Variants in NGF observed in about 807,000 individuals in gnomAD.
NGF encodes beta-nerve growth factor.
A neutral mutation model predicts 12.8 loss-of-function variants in NGF; 4 were observed. The observed-to-expected ratio is 0.31, with a 90% CI of 0.15 to 0.72. The LOEUF is 0.72. NGF is among the 30% of genes least tolerant of loss of function. NGF has a pLI of 0.69. For missense variants in NGF, 283 were observed against 330.8 expected, an observed-to-expected ratio of 0.86 and a Z score of 1.12; for synonymous variants, 140 against 130.0, an observed-to-expected ratio of 1.08 and a Z score of -0.52.
chr1:115,288,073 T>G (rs1653571691), intron 2 of NGF, among the ~76,000 whole-genome samples: 1 of 152,226 alleles, frequency 6.6e-6, no homozygotes, highest in African/African-American at 2.4e-5. Context: ...CCCACTCTTA[T>G]GGGTCATTCT....
At position 115,316,308 on chromosome 1, in the gene NGF, G is replaced by C. The variant is rs138242016; in HGVS notation, c.-137+21896C>G. Among the ~76,000 whole-genome samples the C allele has an allele frequency of 6.3e-3, 956 of 152,264 alleles. 12 individuals are homozygous for C. Among genetic ancestry groups the C allele is most frequent in the African/African-American group, 0.022 (900 of 41,546 alleles). ...TAGGGCTGGCTGGGAAGAGATCTAA[G>C]AGCCAATGTGGGCTGGAGGACTTGA... On this transcript the variant is annotated intron_variant, in intron 1 of 2. Coordinates refer to ENST00000369512, the MANE Select transcript of NGF (RefSeq NM_002506.3).
intron 1 of NGF, among the ~76,000 whole-genome samples, chr1:115,330,328 ATATTT>A (rs759109215): frequency 2.0e-5 from 3 of 152,244 alleles, no homozygotes; most frequent in Non-Finnish European, 4.4e-5. Context: ...CTGACTGCTA[ATATTT>A]TAGGCAATTG....
chr1:115,318,604 C>A (rs1420016616), intron 1 of NGF, among the ~76,000 whole-genome samples: 1 of 152,204 alleles, frequency 6.6e-6, no homozygotes, highest in East Asian at 1.9e-4. Flanking sequence ...CCAGCACCAG[C>A]CTCCACCCCT....
intron 1 of NGF, among the ~76,000 whole-genome samples, 181 bp downstream of exon 1, chr1:115,338,023 C>G (rs1320477442): frequency 1.3e-5 from 2 of 152,158 alleles, no homozygotes; most frequent in African/African-American, 2.4e-5. Flanking sequence ...GCGAGGGTCC[C>G]GCGCCCCCAC....
intron 1 of NGF, among the ~76,000 whole-genome samples, chr1:115,333,731 TTTC>T (rs765824355): frequency 1.1e-4 from 14 of 123,516 alleles, no homozygotes; most frequent in East Asian, 8.7e-4. Context: ...TCTTTCCTTC[TTTC>T]TTTCTTTCTT....
intron 2 of NGF, among the ~76,000 whole-genome samples, chr1:115,287,164 T>C (rs754798035): frequency 3.3e-5 from 5 of 152,202 alleles, no homozygotes; most frequent in Non-Finnish European, 5.9e-5. Flanking sequence ...AGTGTCCATG[T>C]GTGTACCAGG....
intron 2 of NGF, among the ~76,000 whole-genome samples, chr1:115,287,483 A>AT (rs1250127549): frequency 6.6e-6 from 1 of 152,210 alleles, no homozygotes; most frequent in Non-Finnish European, 1.5e-5. Flanking sequence ...TGTGGACCAC[A>AT]TAATAGTTCC....
chr1:115,330,004 C>A (rs1270180469), intron 1 of NGF, among the ~76,000 whole-genome samples: 4 of 152,122 alleles, frequency 2.6e-5, no homozygotes, highest in Admixed American at 6.5e-5. Context: ...GATCCTCCCG[C>A]CTCAGCCCCC....
Position 115,286,653 on chromosome 1 carries a change from A to G in NGF, c.143T>C (p.Leu48Pro). 2 of 1,614,206 alleles carry G rather than the reference A, an allele frequency of 1.2e-6. No homozygotes were observed. Among genetic ancestry groups the G allele is most frequent in the East Asian group, 2.2e-5 (1 of 44,868 alleles). ...TGCCGGGGCGCTGCGGGCTCTGCGA[A>G]GGGCAGTGTCAAGGGAATGCTGAAG... ...TKLQHSLDTA[L>P]RRARSAPAAA... is the part of the protein sequence containing the mutation. The change falls in exon 3 of 3, where the codon CTT (leucine) becomes CCT (proline). Residue 48 changes from leucine to proline, a missense_variant. Leu to Pro is a moderately conservative substitution (Grantham distance 98). Coordinates refer to ENST00000369512, the MANE Select transcript of NGF (RefSeq NM_002506.3).
In NGF at chr1:115,305,307, C is replaced by T. The variant is rs188669151; in HGVS notation, c.-136-11557G>A. ...CATTTGACAGATAAGGAAACTTTACCTCAGTAGTGCTGTGGGGAAGTAGAA... is the reference window on the plus strand; with the variant it reads ...CATTTGACAGATAAGGAAACTTTACTTCAGTAGTGCTGTGGGGAAGTAGAA... On this transcript the variant is annotated intron_variant, in intron 1 of 2. Coordinates refer to ENST00000369512, the MANE Select transcript of NGF (RefSeq NM_002506.3). 1.1e-3 allele frequency among the ~76,000 whole-genome samples: 170 copies of T among 152,202 alleles called. 1 individual carries two copies. Among genetic ancestry groups the T allele is most frequent in the Admixed American group, 2.5e-3 (38 of 15,286 alleles).
chr1:115,309,494 T>TA (rs1371485831), intron 1 of NGF, among the ~76,000 whole-genome samples: 3 of 152,184 alleles, frequency 2.0e-5, no homozygotes, highest in African/African-American at 7.2e-5. Flanking sequence ...GTTACATAGG[T>TA]ATACACGTGC....
chr1:115,288,832 C>G (rs1653596606), intron 2 of NGF, among the ~76,000 whole-genome samples: 1 of 152,192 alleles, frequency 6.6e-6, no homozygotes, highest in Non-Finnish European at 1.5e-5. Context: ...GCAAGAGAAG[C>G]TCACCATCTG....
chr1:115,318,404 G>A (rs1275562005), intron 1 of NGF, among the ~76,000 whole-genome samples: 2 of 152,148 alleles, frequency 1.3e-5, no homozygotes, highest in African/African-American at 4.8e-5. Context: ...GCCAGCGGTG[G>A]GGATGGGGTC....
intron 1 of NGF, among the ~76,000 whole-genome samples, chr1:115,326,215 AT>A (rs1009505289): frequency 9.2e-5 from 14 of 152,100 alleles, no homozygotes; most frequent in Non-Finnish European, 1.8e-4. Flanking sequence ...GAGAAGGGAC[AT>A]TAGGAGAAGA....
chr1:115,314,080 A>G (rs1654406098), intron 1 of NGF, among the ~76,000 whole-genome samples: 1 of 152,188 alleles, frequency 6.6e-6, no homozygotes, highest in South Asian at 2.1e-4. Context: ...AATGGACACA[A>G]TTCCAAAGTC....
chr1:115,305,206 A>G (rs1298525667), intron 1 of NGF, among the ~76,000 whole-genome samples: 3 of 152,216 alleles, frequency 2.0e-5, no homozygotes, highest in African/African-American at 7.2e-5. Context: ...TGTACCAGAC[A>G]CTATACTAGC....
At chr1:115,334,372 T>TA (rs2101058914) in intron 1 of NGF, among the ~76,000 whole-genome samples, 1 of 152,292 alleles carries the variant, frequency 6.6e-6, no homozygotes, top group African/African-American at 2.4e-5. Flanking sequence ...CCTGTGTTTT[T>TA]AATAACATAT....
At chr1:115,326,093 C>T (rs1156268010) in intron 1 of NGF, among the ~76,000 whole-genome samples, 1 of 151,902 alleles carries the variant, frequency 6.6e-6, no homozygotes, top group Admixed American at 6.6e-5. Context: ...TGAGATCATC[C>T]AGGAAGAGGG....
chr1:115,312,628 C>CT (rs1034311298), intron 1 of NGF, among the ~76,000 whole-genome samples: 6 of 152,180 alleles, frequency 3.9e-5, no homozygotes, highest in Non-Finnish European at 8.8e-5. Context: ...GATCTTAGCA[C>CT]TTTCTTTTTA....
Sources: allele counts gnomAD v4.1 joint callset (sites outside exome capture counted in the v4.1 genomes callset), GRCh38; gene constraint gnomAD v4.1.1; transcripts MANE v1.5; gene names NCBI Gene and HGNC (gene_info 2026-07-23, HGNC 2026-07-21).